PLCB1: variants seen among roughly 807,000 people sequenced by gnomAD.
PLCB1 encodes the protein phospholipase C beta 1, also known as 1-phosphatidylinositol 4,5-bisphosphate phosphodiesterase beta-1.
A neutral mutation model predicts 161.8 loss-of-function variants in PLCB1; 46 were observed. The ratio of observed to expected loss-of-function variants is 0.28; its 90% CI spans 0.22 to 0.36. The LOEUF is 0.36. Ranked by LOEUF, PLCB1 falls within the 10% of genes least tolerant of loss-of-function variation. The pLI is 1.00. For synonymous variants in PLCB1, 517 were observed against 503.7 expected (o/e 1.03, Z -0.35); for missense variants, 1,016 against 1,472.5 (o/e 0.69, Z 5.07).
intron 9 of PLCB1, among the ~76,000 whole-genome samples, chr20:8,671,349 C>A (rs1989938218): frequency 6.6e-6 from 1 of 152,190 alleles, no homozygotes; most frequent in Non-Finnish European, 1.5e-5. Context: ...TTGTGTTCAG[C>A]ATTTCTCTTG....
At chr20:8,746,509 T>C (rs2044470423) in intron 23 of PLCB1, among the ~76,000 whole-genome samples, 1 of 152,026 alleles carries the variant, frequency 6.6e-6, no homozygotes, top group Non-Finnish European at 1.5e-5. Flanking sequence ...GTTGAGCCCT[T>C]TATTTTATTT....
At chr20:8,514,177 G>A (rs544993737) in intron 3 of PLCB1, among the ~76,000 whole-genome samples, 1 of 151,758 alleles carries the variant, frequency 6.6e-6, no homozygotes, top group Non-Finnish European at 1.5e-5. Context: ...GGTGGCTCAC[G>A]CCTGTAATTC....
intron 3 of PLCB1, among the ~76,000 whole-genome samples, chr20:8,465,790 G>A (rs980820152): frequency 6.6e-6 from 1 of 151,282 alleles, no homozygotes; most frequent in Non-Finnish European, 1.5e-5. Flanking sequence ...TCTCACACCA[G>A]TTAGAATGGC....
intron 3 of PLCB1, among the ~76,000 whole-genome samples, chr20:8,394,798 A>C (rs1441394760): frequency 6.6e-6 from 1 of 152,048 alleles, no homozygotes; most frequent in Non-Finnish European, 1.5e-5. Context: ...TTCTTTAGGT[A>C]TTTGCATTTG....
intron 31 of PLCB1, among the ~76,000 whole-genome samples, chr20:8,793,779 G>A (rs375293285): frequency 1.3e-5 from 2 of 152,126 alleles, no homozygotes; most frequent in African/African-American, 4.8e-5. Flanking sequence ...AGTAGACAGC[G>A]TTTTGAGATC....
At chr20:8,669,578 G>A (rs1173138555) in intron 9 of PLCB1, among the ~76,000 whole-genome samples, 4 of 152,132 alleles carry the variant, frequency 2.6e-5, no homozygotes, top group Non-Finnish European at 5.9e-5. Context: ...TGCTACCTGT[G>A]TCAACCCTTG....
intron 2 of PLCB1, among the ~76,000 whole-genome samples, chr20:8,190,378 C>T (rs923492988): frequency 9.9e-5 from 15 of 152,082 alleles, no homozygotes; most frequent in African/African-American, 3.1e-4. Flanking sequence ...TACAATTTTA[C>T]ACTTTCTTTA....
At chr20:8,204,924 A>G (rs1978447140) in intron 2 of PLCB1, among the ~76,000 whole-genome samples, 1 of 152,054 alleles carries the variant, frequency 6.6e-6, no homozygotes, top group African/African-American at 2.4e-5. Flanking sequence ...CACTTATTTG[A>G]CAATACTGGT....
intron 2 of PLCB1, among the ~76,000 whole-genome samples, chr20:8,243,151 G>A (rs1488110269): frequency 6.6e-6 from 1 of 151,908 alleles, no homozygotes; most frequent in African/African-American, 2.4e-5. Flanking sequence ...TAAAGTTTTG[G>A]TGTTTGCTGG....
intron 2 of PLCB1, among the ~76,000 whole-genome samples, chr20:8,364,364 G>C (rs1044478207): frequency 3.9e-5 from 6 of 152,286 alleles, no homozygotes; most frequent in Middle Eastern, 3.4e-3. Flanking sequence ...ATTCAGACTG[G>C]AGAATGGAAC....
intron 2 of PLCB1, among the ~76,000 whole-genome samples, chr20:8,348,676 C>A (rs1359825439): frequency 6.6e-6 from 1 of 152,192 alleles, no homozygotes; most frequent in Non-Finnish European, 1.5e-5. Flanking sequence ...AGAAATAAGT[C>A]TGTATCCTTT....
At chr20:8,202,124 C>T (rs1273742302) in intron 2 of PLCB1, among the ~76,000 whole-genome samples, 1 of 20,308 alleles carries the variant, frequency 4.9e-5, no homozygotes, top group Non-Finnish European at 8.9e-5. Flanking sequence ...GTCGCCCAGA[C>T]TGGAGGGCAG....
intron 1 of PLCB1, among the ~76,000 whole-genome samples, chr20:8,139,468 C>T (rs1036381046): frequency 6.6e-6 from 1 of 151,842 alleles, no homozygotes; most frequent in Admixed American, 6.6e-5. Flanking sequence ...GTTTAATGTA[C>T]AAGATCACAG....
chr20:8,755,568 C>T lies in PLCB1; in HGVS notation c.2524-1478C>T, dbSNP rs13037774. On this transcript the variant is annotated intron_variant, in intron 23 of 31. Transcript: ENST00000338037. Reference sequence around the variant, plus strand: ...TAAGGATCAGCATTTATTCAACAAACATTTTTAAACTGTTTACTGTGTATA... The same window carrying T: ...TAAGGATCAGCATTTATTCAACAAATATTTTTAAACTGTTTACTGTGTATA... Among the ~76,000 whole-genome samples, 389 of 152,242 alleles carry T rather than the reference C, an allele frequency of 2.6e-3. 3 individuals carry two copies. Among genetic ancestry groups the T allele is most frequent in the Non-Finnish European group, 4.5e-3 (303 of 68,016 alleles).
chr20:8,288,911 C>T (rs1983253764), intron 2 of PLCB1, among the ~76,000 whole-genome samples: 1 of 152,190 alleles, frequency 6.6e-6, no homozygotes, highest in Admixed American at 6.5e-5. Flanking sequence ...CTCCTTTCCA[C>T]TAGATACCAT....
chr20:8,309,064 A>G (rs1984269218), intron 2 of PLCB1, among the ~76,000 whole-genome samples: 1 of 152,084 alleles, frequency 6.6e-6, no homozygotes, highest in Non-Finnish European at 1.5e-5. Flanking sequence ...TGGGATCATC[A>G]ACTGTTAGCG....
At chr20:8,585,247 C>A (rs1986954216) in intron 3 of PLCB1, among the ~76,000 whole-genome samples, 1 of 152,152 alleles carries the variant, frequency 6.6e-6, no homozygotes, top group Non-Finnish European at 1.5e-5. Context: ...CATTCCTTAC[C>A]TGCCAGAGGT....
chr20:8,851,917 A>G (rs964544309), intron 31 of PLCB1, among the ~76,000 whole-genome samples: 17 of 152,150 alleles, frequency 1.1e-4, no homozygotes, highest in Admixed American at 3.9e-4. Context: ...TGTAACAGGC[A>G]AAAACTGGAA....
intron 26 of PLCB1, among the ~76,000 whole-genome samples, chr20:8,771,213 A>G (rs1449175576): frequency 6.6e-6 from 1 of 152,224 alleles, no homozygotes; most frequent in Non-Finnish European, 1.5e-5. Flanking sequence ...TAAAATAGCT[A>G]CAACATATCT....
Sources: gnomAD v4.1 joint callset for allele counts (sites outside exome capture counted in the v4.1 genomes callset) on GRCh38, gnomAD v4.1.1 for gene constraint, MANE v1.5 for transcripts, NCBI Gene and HGNC (gene_info 2026-07-23, HGNC 2026-07-21) for gene names.